Variants in ZNF571 observed in about 807,000 individuals in gnomAD.
ZNF571 encodes zinc finger protein 571.
ZNF571 carries 4 observed loss-of-function variants against 7.7 expected under a neutral mutation model. The ratio of observed to expected loss-of-function variants is 0.52; its 90% confidence interval spans 0.25 to 1.18. The LOEUF (loss-of-function observed/expected upper bound fraction) is 1.18. Among genes scored for constraint, ZNF571 ranks in the 50% most tolerant of loss-of-function variants. The pLI is 0.14. For synonymous variants in ZNF571, 251 were observed against 232.4 expected, an observed-to-expected ratio of 1.08 and a Z score of -0.73; for missense variants, 704 against 726.9, an observed-to-expected ratio of 0.97 and a Z score of 0.36.
intron 3 of ZNF571, among the ~76,000 whole-genome samples, chr19:37,578,309 C>A (rs1046353287): frequency 6.6e-6 from 1 of 152,106 alleles, no homozygotes; most frequent in Non-Finnish European, 1.5e-5. Flanking sequence ...CAGCCACCTT[C>A]CTGGGACTGG....
intron 3 of ZNF571, among the ~76,000 whole-genome samples, chr19:37,570,704 T>C (rs896888441): frequency 2.0e-5 from 3 of 152,322 alleles, no homozygotes; most frequent in African/African-American, 7.2e-5. Flanking sequence ...AATTAATCTA[T>C]ATCTAAAACA....
intron 3 of ZNF571, among the ~76,000 whole-genome samples, chr19:37,581,263 T>C (rs966514366): frequency 6.6e-6 from 1 of 152,122 alleles, no homozygotes; most frequent in African/African-American, 2.4e-5. Context: ...CATAATAGAT[T>C]AGTCTCTTTT....
In ZNF571 at chr19:37,566,150, T is replaced by C. The variant is rs527671578; in HGVS notation, c.278A>G (p.Lys93Arg). 4.8e-5 allele frequency: 78 copies of C among 1,613,896 alleles called. No individual in the cohort carries two copies. Among genetic ancestry groups the C allele is most frequent in the Non-Finnish European group, 6.1e-5 (72 of 1,179,932 alleles). Residue 93 changes from lysine to arginine, a missense_variant, in exon 4 of 4, where the codon AAA (lysine) becomes AGA (arginine). Physicochemically the swap from Lys to Arg is conservative, Grantham distance 26. Coordinates refer to ENST00000451802, the MANE Select transcript of ZNF571 (RefSeq NM_016536.5). ...TGCTTCTTGACCCTCTAAGTTGCCTTTGCACTCCATATTGTCTCCAAGACC... is the reference window on the plus strand; with the variant it reads ...TGCTTCTTGACCCTCTAAGTTGCCTCTGCACTCCATATTGTCTCCAAGACC... ...YNGLGDNMEC[K>R]GNLEGQEASQ...
At chr19:37,573,856 GAAAA>G (rs1366599618) in intron 3 of ZNF571, among the ~76,000 whole-genome samples, 1 of 150,478 alleles carries the variant, frequency 6.6e-6, no homozygotes, top group African/African-American at 2.4e-5. Context: ...GAAAGAAAAA[GAAAA>G]AAGAAAATAA....
intron 3 of ZNF571, among the ~76,000 whole-genome samples, chr19:37,573,076 ATACT>A (rs1263274740): frequency 2.6e-5 from 4 of 152,148 alleles, no homozygotes; most frequent in African/African-American, 7.2e-5. Context: ...ACTTAAGTAC[ATACT>A]TATATTCCTC....
At position 37,564,548 on chromosome 19, in the gene ZNF571, A is replaced by G. The variant is rs745983374; in HGVS notation, c.*50T>C. 6.9e-7 allele frequency: 1 copy of G among 1,443,384 alleles called. No homozygotes were observed. Among genetic ancestry groups the G allele is most frequent in the Non-Finnish European group, 9.2e-7 (1 of 1,090,378 alleles). 89.4% of individuals were successfully genotyped at this position (1,443,384 alleles called of 1,614,324 possible). A position where few individuals can be genotyped will look rare whatever the true frequency, so the allele number is the denominator to read the frequency against. ...GCAAGATGTTCTACATTCATTATAG[A>G]TATGAAATAGATGAAGATTTTCTTA... is the stretch of plus-strand genomic sequence containing the variant. On this transcript the variant is annotated 3_prime_UTR_variant, in exon 4 of 4. Coordinates refer to ENST00000451802, the MANE Select transcript of ZNF571 (RefSeq NM_016536.5).
At chr19:37,576,886 AAGGACTTGG>A (rs1568350789) in intron 3 of ZNF571, among the ~76,000 whole-genome samples, 1 of 152,148 alleles carries the variant, frequency 6.6e-6, no homozygotes, top group African/African-American at 2.4e-5. Context: ...TTAAAACACA[AAGGACTTGG>A]CAGTGCTTAT....
chr19:37,584,296 C>T, intron 2 of ZNF571, 199 bp from the exon 3 acceptor site: 2 of 601,338 alleles, frequency 3.3e-6, no homozygotes, highest in Non-Finnish European at 5.5e-6. Flanking sequence ...AGAACAATTC[C>T]ATTATCCAGA....
chr19:37,565,910 CTG>C lies in ZNF571; in HGVS notation c.516_517del (p.His172GlnfsTer5), dbSNP rs1020851358. The C allele has an allele frequency of 6.2e-7, 1 of 1,613,810 alleles. No individual in the cohort carries two copies. Among genetic ancestry groups the C allele is most frequent in the African/African-American group, 1.3e-5 (1 of 75,032 alleles). Reference sequence around the variant, plus strand: ...GCTTGGCTTTTTGCTAAAGGTATTCCTGTGTTTCTTAACTTCAGAGCATTTTT... The same window carrying C: ...GCTTGGCTTTTTGCTAAAGGTATTCCTGTTTCTTAACTTCAGAGCATTTTT... On this transcript the variant is annotated frameshift_variant, in exon 4 of 4. Transcript: ENST00000451802. LOFTEE classifies it low-confidence loss of function (END_TRUNC).
At chr19:37,584,503 T>C (rs1256686636) in intron 2 of ZNF571, among the ~76,000 whole-genome samples, 1 of 152,222 alleles carries the variant, frequency 6.6e-6, no homozygotes, top group African/African-American at 2.4e-5. Flanking sequence ...TGAATTTTTT[T>C]CCAAACAATG....
Position 37,569,349 on chromosome 19 carries a change from T to C in ZNF571, c.137-3058A>G, listed in dbSNP as rs1189831194. Among the ~76,000 whole-genome samples, 1 of 152,144 alleles carries C rather than the reference T, an allele frequency of 6.6e-6. No individual in the cohort carries two copies. Among genetic ancestry groups the C allele is most frequent in the Non-Finnish European group, 1.5e-5 (1 of 68,028 alleles). ...GGCAGATAGAATGGAATAGTAAATA[T>C]GAAAATCACATTATGTCACCATCTT... On this transcript the variant is annotated intron_variant, in intron 3 of 3. Transcript: ENST00000451802. The surrounding 1 kb of genome is among the most constrained non-coding windows in gnomAD (Gnocchi z 4.4).
At chr19:37,577,957 C>T (rs1259962495) in intron 3 of ZNF571, among the ~76,000 whole-genome samples, 1 of 152,190 alleles carries the variant, frequency 6.6e-6, no homozygotes, top group Non-Finnish European at 1.5e-5. Context: ...GAGCAGTGGG[C>T]GAGTGAGCAT....
At chr19:37,590,473 A>AT (rs1391567096) in intron 1 of ZNF571, among the ~76,000 whole-genome samples, 3 of 152,026 alleles carry the variant, frequency 2.0e-5, no homozygotes, top group East Asian at 3.8e-4. Flanking sequence ...AATTGGTGAA[A>AT]TTTTTCTATG....
intron 3 of ZNF571, among the ~76,000 whole-genome samples, chr19:37,582,360 T>C (rs1264312784): frequency 6.6e-6 from 1 of 152,212 alleles, no homozygotes; most frequent in African/African-American, 2.4e-5. Context: ...TTCCTCCTTT[T>C]GTCAGTTGGC....
intron 3 of ZNF571, 113 bp from the exon 4 acceptor site, chr19:37,566,404 C>A (rs1600460310): frequency 8.1e-7 from 1 of 1,236,072 alleles, no homozygotes; most frequent in Admixed American, 2.5e-5. Context: ...ATGGCTTAAA[C>A]AGTACAGAAA....
chr19:37,570,788 T>C (rs1783581133), intron 3 of ZNF571, among the ~76,000 whole-genome samples: 1 of 152,142 alleles, frequency 6.6e-6, no homozygotes, highest in Non-Finnish European at 1.5e-5. Context: ...TAGTCTCCTA[T>C]AAATAGAAGG....
At chr19:37,593,063 A>C (rs574914643) in intron 1 of ZNF571, among the ~76,000 whole-genome samples, 1 of 152,328 alleles carries the variant, frequency 6.6e-6, no homozygotes, top group East Asian at 1.9e-4. Flanking sequence ...AAGATTATGA[A>C]ATAACCACCA....
chr19:37,587,040 G>A (rs1036246194), intron 1 of ZNF571: 11 of 229,102 alleles, frequency 4.8e-5, no homozygotes, highest in African/African-American at 2.5e-4. Context: ...CACTAAGTCA[G>A]GTACTTTGCT....
At chr19:37,593,001 T>C (rs555085269) in intron 1 of ZNF571, among the ~76,000 whole-genome samples, 33 of 152,354 alleles carry the variant, frequency 2.2e-4, no homozygotes, top group African/African-American at 7.7e-4. Flanking sequence ...ACACACCTAT[T>C]GTAAAAATAT....
Sources: gnomAD v4.1 joint callset for allele counts (sites outside exome capture counted in the v4.1 genomes callset) on GRCh38, gnomAD v4.1.1 for gene constraint, Gnocchi (gnomAD v3.1) non-coding constraint, MANE v1.5 for transcripts, NCBI Gene and HGNC (gene_info 2026-07-23, HGNC 2026-07-21) for gene names.